EML5: variants seen among roughly 807,000 people sequenced by gnomAD.
The protein encoded by EML5 is echinoderm microtubule-associated protein-like 5.
EML5 carries 120 observed loss-of-function variants against 250.0 expected under a neutral mutation model. The observed-to-expected ratio is 0.48, with a 90% CI of 0.41 to 0.56. The LOEUF is 0.56. EML5 is among the 20% of genes least tolerant of loss of function. EML5 has a pLI of 0.00. For missense variants in EML5, 2,006 were observed against 2,437.6 expected (o/e 0.82, Z 3.73); for synonymous variants, 771 against 806.5 (o/e 0.96, Z 0.75).
chr14:88,721,501 A>G (rs756883572), intron 8 of EML5, among the ~76,000 whole-genome samples: 1 of 152,216 alleles, frequency 6.6e-6, no homozygotes, highest in Non-Finnish European at 1.5e-5. Context: ...AACCTGACAA[A>G]AACAAGCAAG....
intron 9 of EML5, among the ~76,000 whole-genome samples, chr14:88,712,779 A>T (rs2093427339): frequency 6.6e-6 from 1 of 152,190 alleles, no homozygotes; most frequent in Non-Finnish European, 1.5e-5. Flanking sequence ...TTAAAAAATG[A>T]TACAGATTAG....
rs567612320 is a variant in EML5 at position 88,684,948 on chromosome 14, G to A, written c.2982+67C>T. 580 of 1,310,454 alleles carry A rather than the reference G, an allele frequency of 4.4e-4. 1 individual carries two copies. Among genetic ancestry groups the A allele is most frequent in the South Asian group, 7.5e-4 (42 of 55,698 alleles). 81.2% of individuals were successfully genotyped at this position (1,310,454 alleles called of 1,614,324 possible). On this transcript the variant is annotated intron_variant, in intron 20 of 43. Coordinates refer to ENST00000554922, the MANE Select transcript of EML5 (RefSeq NM_183387.3). ...TTATTTTTCATCACTGTCAACTTTT[G>A]GCTCTTATATATTGAAATAATCAAT... is the stretch of plus-strand genomic sequence containing the variant.
chr14:88,654,842 T>C (rs2091805213), intron 27 of EML5, among the ~76,000 whole-genome samples: 1 of 152,196 alleles, frequency 6.6e-6, no homozygotes, highest in Admixed American at 6.5e-5. Context: ...CTTGTTAATT[T>C]TCTGTCTCGT....
intron 8 of EML5, among the ~76,000 whole-genome samples, chr14:88,721,299 G>A (rs867980681): frequency 5.9e-5 from 9 of 152,004 alleles, no homozygotes; most frequent in African/African-American, 2.2e-4. Context: ...AATAGAGCCC[G>A]TACAGCCAAG....
At chr14:88,789,902 G>A (rs1425509191) in intron 1 of EML5, among the ~76,000 whole-genome samples, 1 of 152,188 alleles carries the variant, frequency 6.6e-6, no homozygotes, top group East Asian at 1.9e-4. Context: ...TTCAGGCAAA[G>A]GTGGAAACAA....
In EML5 at chr14:88,750,459, C is replaced by T. The variant is rs114886016; in HGVS notation, c.357+4053G>A. On this transcript the variant is annotated intron_variant, in intron 2 of 43. Coordinates refer to ENST00000554922, the MANE Select transcript of EML5 (RefSeq NM_183387.3). ...AAATAAAAATACCTCACAGGGGTTA[C>T]TGTGAAAATTGACATATGTACTACT... is the stretch of plus-strand genomic sequence containing the variant. Among the ~76,000 whole-genome samples the T allele has an allele frequency of 2.9e-3, 449 of 152,230 alleles. 1 individual carries two copies. The highest frequency in any genetic ancestry group is 0.01 in the African/African-American group (436 of 41,558).
Position 88,726,572 on chromosome 14 carries a change from T to G in EML5, c.1156A>C (p.Lys386Gln). ...ADGIHLALGMKDGSFTVLRVR... is the reference protein window; with the variant it reads ...ADGIHLALGMQDGSFTVLRVR... ...CTAAGTACAGTGAATGAGCCATCCT[T>G]CATTCCAAGGGCAAGATGGATTCCA... is the stretch of plus-strand genomic sequence containing the variant. Residue 386 changes from lysine (K) to glutamine (Q), a missense_variant, in exon 8 of 44, where the codon AAG becomes CAG. Physicochemically the swap from Lys to Gln is moderately conservative, Grantham distance 53. This residue lies in a region of EML5 where 1,375 missense variants were observed against 1,590.3 expected (regional missense o/e 0.86). Transcript: ENST00000554922. 6.2e-7 allele frequency: 1 copy of G among 1,605,272 alleles called. No individual in the cohort carries two copies. The highest frequency in any genetic ancestry group is 8.5e-7 in the Non-Finnish European group (1 of 1,175,376).
chr14:88,769,680 A>G (rs1206988670), intron 1 of EML5, among the ~76,000 whole-genome samples: 1 of 152,240 alleles, frequency 6.6e-6, no homozygotes, highest in Admixed American at 6.5e-5. Context: ...TAGGAAATAT[A>G]GTTATGTATA....
intron 22 of EML5, 41 bp downstream of exon 22, chr14:88,665,296 G>C (rs1251147838): frequency 2.5e-6 from 4 of 1,574,276 alleles, no homozygotes; most frequent in Non-Finnish European, 3.5e-6. Flanking sequence ...TACACTGCCA[G>C]ACCCAAGTTA....
intron 2 of EML5, among the ~76,000 whole-genome samples, chr14:88,752,005 T>C (rs893082663): frequency 2.0e-5 from 3 of 152,232 alleles, no homozygotes; most frequent in Non-Finnish European, 4.4e-5. Flanking sequence ...CTTAGCATAA[T>C]ACCTGGCACT....
chr14:88,792,534 GGCCCGCGGCGGCGACGGGA>G lies in EML5; in HGVS notation c.-50_-32del, dbSNP rs1316705162. On this transcript the variant is annotated 5_prime_UTR_variant, in exon 1 of 44. Transcript: ENST00000554922. This position sits in a 1 kb window ranked among gnomAD's most constrained non-coding sequence, Gnocchi z 6.9. ...GGCGCCCACCCGCCGCTCCCGCTCG[GGCCCGCGGCGGCGACGGGA>G]GGCGGCGGCGGCCCGGCAACGAAAG... 5.6e-6 allele frequency: 7 copies of G among 1,245,712 alleles called. No homozygotes were observed. The highest frequency in any genetic ancestry group is 6.1e-6 in the Non-Finnish European group (6 of 990,306). 77.2% of individuals were successfully genotyped at this position (1,245,712 alleles called of 1,614,324 possible). A position where few individuals can be genotyped will look rare whatever the true frequency, so the allele number is the denominator to read the frequency against.
intron 13 of EML5, among the ~76,000 whole-genome samples, chr14:88,704,081 T>C (rs1426888474): frequency 2.0e-5 from 3 of 152,132 alleles, no homozygotes. Context: ...CCAAATCCCA[T>C]GCTGAAATGT....
chr14:88,678,342 T>C (rs879238370), intron 21 of EML5, among the ~76,000 whole-genome samples: 1 of 152,100 alleles, frequency 6.6e-6, no homozygotes, highest in Non-Finnish European at 1.5e-5. Context: ...TGGAGCTTAA[T>C]ATCTAGGTGA....
chr14:88,785,020 C>T (rs376396482), intron 1 of EML5, among the ~76,000 whole-genome samples: 1 of 152,092 alleles, frequency 6.6e-6, no homozygotes, highest in Non-Finnish European at 1.5e-5. Context: ...CATAAAAAAA[C>T]GAGATCCTGT....
chr14:88,779,859 G>C (rs533047663), intron 1 of EML5, among the ~76,000 whole-genome samples: 1 of 152,180 alleles, frequency 6.6e-6, no homozygotes, highest in South Asian at 2.1e-4. Context: ...GAGTTCATAT[G>C]GACATTTCCA....
rs560142764 is a variant in EML5, at chr14:88,714,823, T to C, written c.1444+116A>G. 29 of 980,006 alleles carry C rather than the reference T, an allele frequency of 3.0e-5. No individual in the cohort carries two copies. In the South Asian group the frequency reaches 4.1e-4, roughly 14 times the overall value. The allele number at this position is 980,006 out of a possible 1,614,324, so 60.7% of individuals were successfully genotyped here. A position where few individuals can be genotyped will look rare whatever the true frequency, so the allele number is the denominator to read the frequency against. ...AGAAAAGTCTACAATGCCTGAAATA[T>C]TAGCTCAGATCTTCTTTGATTTCCT... On this transcript the variant is annotated intron_variant, in intron 9 of 43. Coordinates refer to ENST00000554922, the MANE Select transcript of EML5 (RefSeq NM_183387.3).
chr14:88,678,012 T>C (rs2092634558), intron 21 of EML5, among the ~76,000 whole-genome samples: 1 of 152,178 alleles, frequency 6.6e-6, no homozygotes, highest in South Asian at 2.1e-4. Context: ...TGCAGCACTA[T>C]TCACAATAAC....
chr14:88,739,067 C>T, intron 5 of EML5, 53 bp from the exon 6 acceptor site: 1 of 1,514,100 alleles, frequency 6.6e-7, no homozygotes, highest in Non-Finnish European at 8.9e-7. Flanking sequence ...AGAACATCTA[C>T]TATATGAAGG....
intron 29 of EML5, among the ~76,000 whole-genome samples, chr14:88,645,634 C>T (rs1161326340): frequency 1.3e-5 from 2 of 152,308 alleles, no homozygotes; most frequent in East Asian, 3.9e-4. Flanking sequence ...TTCACCTTCT[C>T]TACTTGCTGA....
Sources: gnomAD v4.1 joint callset for allele counts (sites outside exome capture counted in the v4.1 genomes callset) on GRCh38, gnomAD v4.1.1 for gene constraint, gnomAD v4.1.1 regional missense constraint, Gnocchi (gnomAD v3.1) non-coding constraint, MANE v1.5 for transcripts, NCBI Gene and HGNC (gene_info 2026-07-23, HGNC 2026-07-21) for gene names.